MAGI1: variants seen among roughly 807,000 people sequenced by gnomAD.
The protein encoded by MAGI1 is membrane associated guanylate kinase, WW and PDZ domain containing 1, also known as membrane-associated guanylate kinase, WW and PDZ domain-containing protein 1.
Under a neutral mutation model 139.9 loss-of-function variants are expected in MAGI1, and 58 were observed. The observed-to-expected ratio is 0.41, with a 90% CI of 0.34 to 0.52. The LOEUF (loss-of-function observed/expected upper bound fraction) is 0.52, where lower values mean the gene tolerates loss of function less well. Among genes scored for constraint, MAGI1 ranks in the 20% least tolerant of loss-of-function variants. The pLI, the probability that MAGI1 is intolerant of heterozygous loss-of-function variation, is 0.12. For missense variants in MAGI1, 1,874 were observed against 1,901.6 expected (o/e 0.99, Z 0.27); for synonymous variants, 812 against 737.9 (o/e 1.10, Z -1.63).
At chr3:65,722,619 C>A (rs562614781) in intron 1 of MAGI1, among the ~76,000 whole-genome samples, 3 of 152,016 alleles carry the variant, frequency 2.0e-5, no homozygotes, top group Non-Finnish European at 4.4e-5. Context: ...GGCCATAGAG[C>A]GAGACCCTGT....
Position 66,025,579 on chromosome 3 carries a change from T to C in MAGI1, c.313+12417A>G, listed in dbSNP as rs1036660882. Among the ~76,000 whole-genome samples, 4 of 152,218 alleles carry C rather than the reference T, an allele frequency of 2.6e-5. No homozygotes were observed. The East Asian group carries it at 7.7e-4, about 29-fold the overall frequency. ...AAAACAAACAAACAAAAAAAGTCCA[T>C]GATATGCTGTTAGGCATGAAGAAAA... On this transcript the variant is annotated intron_variant, in intron 1 of 22. Transcript: ENST00000402939.
chr3:65,359,360 T>C, intron 22 of MAGI1: 1 of 1,361,104 alleles, frequency 7.3e-7, no homozygotes, highest in Non-Finnish European at 9.5e-7. Context: ...ATCGGAACAG[T>C]GACATTTTTA....
intron 2 of MAGI1, among the ~76,000 whole-genome samples, chr3:65,621,251 A>G (rs2107055062): frequency 6.6e-6 from 1 of 152,338 alleles, no homozygotes; most frequent in Non-Finnish European, 1.5e-5. Flanking sequence ...CCAGGAACAC[A>G]GTGTGCCACA....
Position 65,453,265 on chromosome 3 carries a change from T to A in MAGI1, c.1035A>T (p.Glu345Asp), listed in dbSNP as rs1203682992. The A allele has an allele frequency of 1.2e-6, 2 of 1,613,846 alleles. No individual in the cohort carries two copies. The highest frequency in any genetic ancestry group is 1.7e-6 in the Non-Finnish European group (2 of 1,179,930). The change falls in exon 6 of 23, where the codon GAA becomes GAT. Residue 345 changes from glutamate (E) to aspartate (D), a missense_variant. Transcript: ENST00000402939. ...NKQQKPLEEC[E>D]DDEGVHTEEL... ...ACCTGCCTGGCCCCTTACCATCATC[T>A]TCACACTCTTCCAGTGGCTTCTGCT... is the stretch of plus-strand genomic sequence containing the variant.
chr3:65,510,525 G>A (rs953689175), intron 2 of MAGI1, among the ~76,000 whole-genome samples: 25 of 149,442 alleles, frequency 1.7e-4, no homozygotes, highest in African/African-American at 6.0e-4. Flanking sequence ...CCCAGGAGCC[G>A]ATGCGATCAA....
rs1347985219 is a variant in MAGI1, at chr3:65,936,914, GTT to G, written c.313+101080_313+101081del. 4.7e-3 allele frequency among the ~76,000 whole-genome samples: 702 copies of G among 150,060 alleles called. 7 individuals carry two copies. Among genetic ancestry groups the G allele is most frequent in the African/African-American group, 0.017 (669 of 40,018 alleles). On this transcript the variant is annotated intron_variant, in intron 1 of 22. Coordinates refer to ENST00000402939, the MANE Select transcript of MAGI1 (RefSeq NM_001033057.2). The stretch of plus-strand genomic sequence containing the variant: ...GCTCAGGTTCAAAGTTGTTGTTGTT[GTT>G]GTTGGTGGTGGTGGTGGTGATGGTG...
At chr3:65,518,696 C>T (rs1453032076) in intron 2 of MAGI1, among the ~76,000 whole-genome samples, 1 of 151,998 alleles carries the variant, frequency 6.6e-6, no homozygotes, top group Non-Finnish European at 1.5e-5. Context: ...GTGTTGAAAT[C>T]CTCTATGGTT....
At chr3:65,890,004 C>T (rs774199629) in intron 1 of MAGI1, among the ~76,000 whole-genome samples, 6 of 152,176 alleles carry the variant, frequency 3.9e-5, no homozygotes, top group Non-Finnish European at 8.8e-5. Context: ...TTAATGTCTA[C>T]CTCATGCTGT....
intron 1 of MAGI1, among the ~76,000 whole-genome samples, chr3:65,931,092 GCA>G (rs71105955): frequency 0.22 from 33,513 of 151,602 alleles, 4,789 homozygotes; most frequent in Non-Finnish European, 0.31. Context: ...GAGTGCAGTG[GCA>G]CAGTCTTGGT....
intron 1 of MAGI1, among the ~76,000 whole-genome samples, chr3:66,011,316 G>T (rs1431165767): frequency 6.6e-6 from 1 of 152,170 alleles, no homozygotes; most frequent in Non-Finnish European, 1.5e-5. Context: ...GCGACGAAAA[G>T]ATAGGTTTGA....
At chr3:65,389,202 G>C (rs1277743469) in intron 14 of MAGI1, among the ~76,000 whole-genome samples, 11 of 152,032 alleles carry the variant, frequency 7.2e-5, no homozygotes, top group Admixed American at 7.2e-4. Flanking sequence ...AGCTGGCTAT[G>C]GCCACATTAC....
intron 1 of MAGI1, among the ~76,000 whole-genome samples, chr3:65,978,662 CT>C: frequency 7.7e-6 from 1 of 130,188 alleles, no homozygotes; most frequent in Non-Finnish European, 1.6e-5. Context: ...GAGTTTCACT[CT>C]TGTTGCCCAG....
chr3:65,529,766 A>G (rs937732407), intron 2 of MAGI1, among the ~76,000 whole-genome samples: 1 of 152,234 alleles, frequency 6.6e-6, no homozygotes, highest in Non-Finnish European at 1.5e-5. Flanking sequence ...ACACACATAG[A>G]TAATATATGG....
chr3:65,421,442 G>A (rs550811381), intron 12 of MAGI1, among the ~76,000 whole-genome samples: 1 of 152,270 alleles, frequency 6.6e-6, no homozygotes, highest in East Asian at 1.9e-4. Flanking sequence ...CACAGATAGT[G>A]GTGAGTGAGG....
rs552767382 is a variant in MAGI1, at chr3:65,986,952, C to T, written c.313+51044G>A. On this transcript the variant is annotated intron_variant, in intron 1 of 22. Coordinates refer to ENST00000402939, the MANE Select transcript of MAGI1 (RefSeq NM_001033057.2). The stretch of plus-strand genomic sequence containing the variant: ...GTGGCATGATCTCAGTTCACTGTAA[C>T]CTCCACTTCCCAGGTTCAAGTGATT... Among the ~76,000 whole-genome samples, 43 of 150,532 alleles carry T rather than the reference C, an allele frequency of 2.9e-4. 1 individual carries two copies. In the South Asian group the frequency reaches 8.6e-3, roughly 30 times the overall value.
chr3:65,428,192 A>G (rs1384357767), intron 12 of MAGI1, among the ~76,000 whole-genome samples: 1 of 152,156 alleles, frequency 6.6e-6, no homozygotes, highest in African/African-American at 2.4e-5. Flanking sequence ...ACAAACCAAA[A>G]GGAAGTCAAA....
At chr3:65,442,030 C>A (rs1444907567) in intron 8 of MAGI1, among the ~76,000 whole-genome samples, 1 of 149,166 alleles carries the variant, frequency 6.7e-6, no homozygotes, top group East Asian at 2.0e-4. Flanking sequence ...TTTGAAGGGA[C>A]TTTTATTAGT....
chr3:66,007,161 TAAA>T (rs1159337042), intron 1 of MAGI1, among the ~76,000 whole-genome samples: 80 of 152,102 alleles, frequency 5.3e-4, no homozygotes, highest in African/African-American at 1.8e-3. Flanking sequence ...ATATGTCACG[TAAA>T]GTCTATTAAG....
At chr3:65,791,686 G>A (rs1056717971) in intron 1 of MAGI1, among the ~76,000 whole-genome samples, 3 of 152,044 alleles carry the variant, frequency 2.0e-5, no homozygotes, top group African/African-American at 7.2e-5. Context: ...GGAGGTAAAC[G>A]TTCTTATTGG....
Sources: allele counts gnomAD v4.1 joint callset (sites outside exome capture counted in the v4.1 genomes callset), GRCh38; gene constraint gnomAD v4.1.1; transcripts MANE v1.5; gene names NCBI Gene and HGNC (gene_info 2026-07-23, HGNC 2026-07-21).